The following VPS13D variants were observed in gnomAD, a reference collection of about 807,000 sequenced individuals.
VPS13D encodes the protein vacuolar protein sorting 13 homolog D, also known as intermembrane lipid transfer protein VPS13D.
VPS13D carries 187 observed loss-of-function variants against 461.9 expected under a neutral mutation model. That is an observed-to-expected ratio of 0.40 (90% CI 0.36 to 0.46). The LOEUF (loss-of-function observed/expected upper bound fraction) is 0.46. VPS13D is among the 20% of genes least tolerant of loss of function. VPS13D has a pLI of 0.60. For missense variants in VPS13D, 4,711 were observed against 5,364.9 expected, an observed-to-expected ratio of 0.88 and a Z score of 3.81; for synonymous variants, 1,951 against 1,986.3, an observed-to-expected ratio of 0.98 and a Z score of 0.47.
chr1:12,295,395 A>T (rs1463625889), intron 24 of VPS13D, among the ~76,000 whole-genome samples: 2 of 152,116 alleles, frequency 1.3e-5, no homozygotes, highest in East Asian at 3.8e-4. Context: ...ATTTGGAGAA[A>T]AGTCTCCTCA....
At chr1:12,354,265 A>G (rs1557728470) in intron 47 of VPS13D, 44 bp downstream of exon 47, 2 of 1,602,838 alleles carry the variant, frequency 1.2e-6, no homozygotes, top group South Asian at 1.1e-5. Flanking sequence ...TCCTATGAAA[A>G]TATCAATGAG....
intron 61 of VPS13D, among the ~76,000 whole-genome samples, chr1:12,400,959 C>CGT (rs1330928924): frequency 1.0e-5 from 1 of 99,082 alleles, no homozygotes; most frequent in Non-Finnish European, 2.3e-5. Context: ...CACCTGCGCG[C>CGT]GCGCACACAC....
intron 26 of VPS13D, among the ~76,000 whole-genome samples, chr1:12,305,062 C>G (rs1043003131): frequency 1.3e-5 from 2 of 152,122 alleles, no homozygotes; most frequent in Non-Finnish European, 2.9e-5. Flanking sequence ...ATTCTGCAAG[C>G]CACTACCCAG....
At chr1:12,496,716 A>G (rs1645962790) in intron 67 of VPS13D, among the ~76,000 whole-genome samples, 1 of 152,246 alleles carries the variant, frequency 6.6e-6, no homozygotes, top group African/African-American at 2.4e-5. Context: ...GAAAGTACTT[A>G]CCAATTACCC....
chr1:12,499,711 T>C (rs1049958215), intron 68 of VPS13D: 22 of 985,404 alleles, frequency 2.2e-5, no homozygotes, highest in Non-Finnish European at 2.5e-5. Flanking sequence ...ATCTTGCCAA[T>C]GAATGCTGAA....
intron 39 of VPS13D, chr1:12,336,155 A>G (rs1643446078): frequency 5.3e-6 from 1 of 190,112 alleles, no homozygotes. Context: ...TCTGCAAAAC[A>G]TTGGTTTTCT....
intron 52 of VPS13D, among the ~76,000 whole-genome samples, chr1:12,365,949 G>A (rs1644029202): frequency 6.6e-6 from 1 of 151,954 alleles, no homozygotes; most frequent in Admixed American, 6.6e-5. Flanking sequence ...TATTGCCCAG[G>A]CTTGAGTGCA....
chr1:12,289,503 T>C (rs1184326583), intron 22 of VPS13D, among the ~76,000 whole-genome samples: 1 of 151,896 alleles, frequency 6.6e-6, no homozygotes, highest in East Asian at 1.9e-4. Context: ...AGGAATGAAC[T>C]GAGGCTGAGG....
In VPS13D at chr1:12,460,388, C is replaced by G; in HGVS notation, c.12654C>G (p.Ser4218Arg). 6.3e-7 allele frequency: 1 copy of G among 1,594,304 alleles called. No homozygotes were observed. The highest frequency in any genetic ancestry group is 8.5e-7 in the Non-Finnish European group (1 of 1,170,008). Reference sequence around the variant, plus strand: ...CGGTGAGAGACACAGCCACACTCAGCGGCCCCAGGTCAGTGGTGTGGGAAG... The same window carrying G: ...CGGTGAGAGACACAGCCACACTCAGGGGCCCCAGGTCAGTGGTGTGGGAAG... ...AQAVRDTATL[S>R]GPRTQAQRVR... The change falls in exon 67 of 70, where the codon AGC becomes AGG. Residue 4218 changes from serine (S) to arginine (R), a missense_variant. Transcript: ENST00000620676.
chr1:12,276,781 A>G lies in VPS13D; in HGVS notation c.3193A>G (p.Ser1065Gly). 1 of 1,614,206 alleles carries G rather than the reference A, an allele frequency of 6.2e-7. No homozygotes were observed. Among genetic ancestry groups the G allele is most frequent in the Non-Finnish European group, 8.5e-7 (1 of 1,180,034 alleles). The change falls in exon 19 of 70, where the codon AGT (serine) becomes GGT (glycine). Residue 1065 changes from serine to glycine, a missense_variant. Ser to Gly is a moderately conservative substitution (Grantham distance 56). Around this residue, in one of 3 missense-constraint regions of VPS13D, gnomAD observed 4,411 missense variants for 4,937.8 expected, o/e 0.89. Coordinates refer to ENST00000620676, the MANE Select transcript of VPS13D (RefSeq NM_015378.4). The surrounding 1 kb of genome is among the most constrained non-coding windows in gnomAD (Gnocchi z 4.5). Reference protein sequence around the residue: ...GATLNDRSATSVSLDKILTKE... With the variant: ...GATLNDRSATGVSLDKILTKE... ...TACACTGAACGACCGATCAGCTACT[A>G]GTGTTTCACTTGACAAAATTCTTAC... is the stretch of plus-strand genomic sequence containing the variant.
In VPS13D at chr1:12,349,373, A is replaced by C; in HGVS notation, c.9430A>C (p.Arg3144=). ...GGACACAGAAAAAAGCCGATTTTTC[A>C]GGTATGTAGCACCACTGCAGTGACA... ...SMDTEKSRFF[R]FCVAIKKENY... is the part of the protein sequence containing the mutation. The change falls in exon 46 of 70, where the codon AGG becomes CGG. Residue 3144 remains arginine, a splice_region_variant and synonymous_variant. Transcript: ENST00000620676. 2 of 1,614,056 alleles carry C rather than the reference A, an allele frequency of 1.2e-6. No individual in the cohort carries two copies. The highest frequency in any genetic ancestry group is 1.7e-6 in the Non-Finnish European group (2 of 1,180,016).
At chr1:12,239,705 G>A (rs990231182) in intron 2 of VPS13D, among the ~76,000 whole-genome samples, 2 of 152,154 alleles carry the variant, frequency 1.3e-5, no homozygotes, top group Admixed American at 1.3e-4. Context: ...TAAATAACCT[G>A]GAGCAGCGGG....
chr1:12,497,892 G>T (rs1486181596), intron 68 of VPS13D, among the ~76,000 whole-genome samples: 1 of 152,166 alleles, frequency 6.6e-6, no homozygotes, highest in African/African-American at 2.4e-5. Context: ...TCTCTTTCTA[G>T]TTAGTTCAAA....
chr1:12,462,221 C>T (rs1008240600), intron 67 of VPS13D, among the ~76,000 whole-genome samples: 7 of 152,120 alleles, frequency 4.6e-5, no homozygotes, highest in African/African-American at 9.7e-5. Flanking sequence ...TAGAGGGTGC[C>T]GTGAGACTAT....
intron 50 of VPS13D, 112 bp from the exon 51 acceptor site, chr1:12,362,608 A>G: frequency 9.6e-7 from 1 of 1,038,892 alleles, no homozygotes; most frequent in Non-Finnish European, 1.4e-6. Context: ...TCTGGGTGAT[A>G]CAGTTATTTT....
intron 67 of VPS13D, among the ~76,000 whole-genome samples, chr1:12,490,837 G>A (rs1215221500): frequency 6.6e-6 from 1 of 152,154 alleles, no homozygotes; most frequent in Non-Finnish European, 1.5e-5. Context: ...CCCATGGCAT[G>A]GTGGGAGCTA....
chr1:12,480,609 T>C (rs1286463653), intron 67 of VPS13D, among the ~76,000 whole-genome samples: 3 of 152,238 alleles, frequency 2.0e-5, no homozygotes, highest in Non-Finnish European at 4.4e-5. Context: ...TGACTTTTAA[T>C]GGAGTACCTG....
In VPS13D at chr1:12,507,481, T is replaced by G. The variant is rs1646127472; in HGVS notation, c.13035+388T>G. ...AAGAAAGCACTGGAGCTCACGCTGGTTTCTCCATTGTTTCTCCTTAACAGT... is the reference window on the plus strand; with the variant it reads ...AAGAAAGCACTGGAGCTCACGCTGGGTTCTCCATTGTTTCTCCTTAACAGT... On this transcript the variant is annotated intron_variant, in intron 69 of 69. Transcript: ENST00000620676. The surrounding 1 kb of genome is among the most constrained non-coding windows in gnomAD (Gnocchi z 5.3). 2 of 473,760 alleles carry G rather than the reference T, an allele frequency of 4.2e-6. No homozygotes were observed. Among genetic ancestry groups the G allele is most frequent in the Admixed American group, 4.4e-5 (2 of 45,622 alleles). 29.3% of individuals were successfully genotyped at this position (473,760 alleles called of 1,614,324 possible). A position where few individuals can be genotyped will look rare whatever the true frequency, so the allele number is the denominator to read the frequency against.
chr1:12,442,777 C>T (rs1022352224), intron 65 of VPS13D, among the ~76,000 whole-genome samples: 9 of 151,866 alleles, frequency 5.9e-5, no homozygotes, highest in African/African-American at 2.2e-4. Flanking sequence ...TTTATAGAGA[C>T]GGAATCTTGC....
Sources: gnomAD v4.1 joint callset for allele counts (sites outside exome capture counted in the v4.1 genomes callset) on GRCh38, gnomAD v4.1.1 for gene constraint, gnomAD v4.1.1 regional missense constraint, Gnocchi (gnomAD v3.1) non-coding constraint, MANE v1.5 for transcripts, NCBI Gene and HGNC (gene_info 2026-07-23, HGNC 2026-07-21) for gene names.